Variants in ZNF44 observed in about 807,000 individuals in gnomAD.
ZNF44 encodes zinc finger protein 44, also known as gonadotropin inducible transcription repressor-2.
A neutral mutation model predicts 11.7 loss-of-function variants in ZNF44; 9 were observed. The observed-to-expected ratio is 0.77, with a 90% CI of 0.46 to 1.35. The LOEUF is 1.35. ZNF44 is among the 40% of genes most tolerant of loss of function. ZNF44 has a pLI of 0.00. For missense variants in ZNF44, 696 were observed against 743.1 expected (o/e 0.94, Z 0.74); for synonymous variants, 224 against 242.7 (o/e 0.92, Z 0.72).
rs1409558835 is a variant in ZNF44 at position 12,272,623 on chromosome 19, G to C, written c.1632C>G (p.Pro544=). The C allele has an allele frequency of 6.2e-7, 1 of 1,611,346 alleles. No homozygotes were observed. The highest frequency in any genetic ancestry group is 1.3e-5 in the African/African-American group (1 of 74,670). The change falls in exon 4 of 4, where the codon CCC becomes CCG. Residue 544 remains proline, a synonymous_variant. Coordinates refer to ENST00000355684, the MANE Select transcript of ZNF44 (RefSeq NM_016264.4). ...CKQCRKAFFW[P]SFLLRHERTH... ...TCCTTTCATGTCTTAGAAGGAAAGA[G>C]GGCCAAAAGAATGCTTTCCTGCATT...
chr19:12,247,516 T>C (rs1916803864), downstream of ZNF44: 4 of 1,350,172 alleles, frequency 3.0e-6, no homozygotes, highest in Middle Eastern at 4.2e-4. Flanking sequence ...CCACACTGTT[T>C]ACATTCATAA....
At chr19:12,267,001 T>C (rs1053901795), downstream of ZNF44, among the ~76,000 whole-genome samples, 1 of 151,630 alleles carries the variant, frequency 6.6e-6, no homozygotes, top group African/African-American at 2.4e-5. Flanking sequence ...GGCGAAGGCT[T>C]CCTCACACCT....
chr19:12,260,893 A>G (rs1291242918), intron 5 of ZNF44, among the ~76,000 whole-genome samples: 1 of 152,192 alleles, frequency 6.6e-6, no homozygotes, highest in Non-Finnish European at 1.5e-5. Flanking sequence ...GAACAAGAGA[A>G]GATAGACCCA....
At chr19:12,288,339 A>G (rs921173060) in intron 1 of ZNF44, among the ~76,000 whole-genome samples, 1 of 152,204 alleles carries the variant, frequency 6.6e-6, no homozygotes, top group African/African-American at 2.4e-5. Context: ...TCAGCCCTCC[A>G]AGACATTTTA....
At chr19:12,247,583 T>C (rs780198605), downstream of ZNF44, 6 of 1,337,354 alleles carry the variant, frequency 4.5e-6, no homozygotes, top group Admixed American at 4.2e-5. Context: ...GAGTAATGTA[T>C]GTTTTCCCAC....
chr19:12,248,572 C>G (rs780715541), exon 8 of ZNF44: 2 of 1,292,342 alleles, frequency 1.5e-6, no homozygotes, highest in South Asian at 2.5e-5. Flanking sequence ...CAAAGCTTTC[C>G]TCCAGAAGGA....
In ZNF44 at chr19:12,294,819, C is replaced by G. The variant is rs1968181053; in HGVS notation, c.-125G>C. On this transcript the variant is annotated 5_prime_UTR_variant, in exon 1 of 4. Coordinates refer to ENST00000355684, the MANE Select transcript of ZNF44 (RefSeq NM_016264.4). ...TGACAGAATACGGAACAGAGGTCAC[C>G]AGGGTGAAGAGGCCACTAGCTCCTG... is the stretch of plus-strand genomic sequence containing the variant. 1.7e-6 allele frequency: 2 copies of G among 1,188,232 alleles called. No homozygotes were observed. Among genetic ancestry groups the G allele is most frequent in the African/African-American group, 3.3e-5 (2 of 61,086 alleles). 73.6% of individuals were successfully genotyped at this position (1,188,232 alleles called of 1,614,324 possible).
chr19:12,228,340 G>A (rs544794709), intron 3 of ZNF44, among the ~76,000 whole-genome samples: 9 of 152,206 alleles, frequency 5.9e-5, no homozygotes, highest in African/African-American at 2.2e-4. Flanking sequence ...TGAAAACCTT[G>A]GTAAGTTTGG....
intron 1 of ZNF44, chr19:12,284,283 A>G: frequency 2.3e-6 from 1 of 434,262 alleles, no homozygotes; most frequent in Non-Finnish European, 4.3e-6. Context: ...TCACATGGAG[A>G]TAACTAAAAG....
intron 2 of ZNF44, among the ~76,000 whole-genome samples, chr19:12,275,580 A>G (rs1230534792): frequency 6.6e-6 from 1 of 152,146 alleles, no homozygotes; most frequent in African/African-American, 2.4e-5. Context: ...CGGGAGGCGG[A>G]GCTTGTAGTG....
intron 3 of ZNF44, among the ~76,000 whole-genome samples, chr19:12,227,303 A>C (rs970371702): frequency 6.6e-6 from 1 of 151,722 alleles, no homozygotes; most frequent in Non-Finnish European, 1.5e-5. Flanking sequence ...TATGGATGAC[A>C]GAAAGTTTTA....
intron 5 of ZNF44, among the ~76,000 whole-genome samples, chr19:12,256,367 T>C (rs952692): frequency 0.14 from 21,975 of 151,976 alleles, 1,687 homozygotes; most frequent in African/African-American, 0.19. Flanking sequence ...TGTATGCCTG[T>C]AATCCCAGCT....
At chr19:12,268,361 A>G (rs982997903), downstream of ZNF44, among the ~76,000 whole-genome samples, 5 of 152,104 alleles carry the variant, frequency 3.3e-5, no homozygotes, top group African/African-American at 1.2e-4. Flanking sequence ...CGCTTTCCCC[A>G]TTATCTTGGG....
chr19:12,262,762 T>C (rs1917564802), intron 5 of ZNF44, among the ~76,000 whole-genome samples: 1 of 152,172 alleles, frequency 6.6e-6, no homozygotes, highest in African/African-American at 2.4e-5. Flanking sequence ...TTACATCATA[T>C]TTATCAACTT....
At chr19:12,247,279 A>G, downstream of ZNF44, 1 of 1,219,164 alleles carries the variant, frequency 8.2e-7, no homozygotes. Context: ...TATAGTTTCT[A>G]TTCAGCGTGC....
rs898785342 is a variant in ZNF44, at chr19:12,256,050, A to C, written c.1913-5682T>G. 1.2e-4 allele frequency among the ~76,000 whole-genome samples: 18 copies of C among 150,168 alleles called. No homozygotes were observed. The East Asian group carries it at 2.1e-3, about 18-fold the overall frequency. ...GAAACTCTGTCTCAAAAAAAAAAAA[A>C]AAAAAAAAAAAAAACAGCCTACATA... On this transcript the variant is annotated intron_variant and NMD_transcript_variant, in intron 5 of 7. Coordinates refer to the ZNF44 transcript ENST00000393337.
chr19:12,238,316 C>T (rs117232606), upstream of ZNF44, among the ~76,000 whole-genome samples: 347 of 151,910 alleles, frequency 2.3e-3, 7 homozygotes, highest in East Asian at 0.049. Context: ...ATGGTGAAAC[C>T]CCATTCTCTA....
At chr19:12,258,318 T>G in intron 5 of ZNF44, among the ~76,000 whole-genome samples, 1 of 108,914 alleles carries the variant, frequency 9.2e-6, no homozygotes, top group South Asian at 2.8e-4. Context: ...GGCAACAGAG[T>G]GAGATCTTGT....
intron 5 of ZNF44, chr19:12,250,484 T>A: frequency 1.1e-6 from 1 of 948,292 alleles, no homozygotes; most frequent in Non-Finnish European, 1.4e-6. Flanking sequence ...ATTTATTCTA[T>A]GAATTTGTTG....
Sources: allele counts gnomAD v4.1 joint callset (sites outside exome capture counted in the v4.1 genomes callset), GRCh38; gene constraint gnomAD v4.1.1; transcripts MANE v1.5; gene names NCBI Gene and HGNC (gene_info 2026-07-23, HGNC 2026-07-21).